The following ASTN2 variants were observed in gnomAD, a reference collection of about 807,000 sequenced individuals.
ASTN2 encodes astrotactin-2.
A neutral mutation model predicts 139.8 loss-of-function variants in ASTN2; 54 were observed. The observed-to-expected ratio is 0.39, with a 90% CI of 0.31 to 0.48. The LOEUF is 0.48. Among genes scored for constraint, ASTN2 ranks in the 20% least tolerant of loss-of-function variants. The probability of loss-of-function intolerance (pLI) is 0.95; values close to 1 mark genes in which losing one functional copy is unlikely to be tolerated. For missense variants in ASTN2, 1,565 were observed against 1,725.1 expected (o/e 0.91, Z 1.64); for synonymous variants, 756 against 719.5 (o/e 1.05, Z -0.81).
rs79968828 is a variant in ASTN2, at chr9:117,351,088, A to G, written c.443-59575T>C. 2.5e-3 allele frequency among the ~76,000 whole-genome samples: 387 copies of G among 152,346 alleles called. 3 individuals are homozygous for G. The highest frequency in any genetic ancestry group is 9.2e-3 in the African/African-American group (382 of 41,582). ...CTGCTACTCTCTTTAACAGAAGCGC[A>G]TGACAGAGCATTTAGGAAAAGATAT... On this transcript the variant is annotated intron_variant, in intron 1 of 22. Transcript: ENST00000313400.
intron 19 of ASTN2, among the ~76,000 whole-genome samples, chr9:116,567,757 T>A (rs1853307869): frequency 1.3e-5 from 2 of 152,094 alleles, no homozygotes. Context: ...GCAGGACAGA[T>A]CATACTACTA....
At chr9:117,375,584 A>G (rs535245372) in intron 1 of ASTN2, among the ~76,000 whole-genome samples, 1 of 152,220 alleles carries the variant, frequency 6.6e-6, no homozygotes, top group Non-Finnish European at 1.5e-5. Context: ...GCACGTGAGG[A>G]AATGGAAGTT....
chr9:116,861,390 T>C (rs1185564347), intron 11 of ASTN2, among the ~76,000 whole-genome samples: 1 of 152,150 alleles, frequency 6.6e-6, no homozygotes, highest in Non-Finnish European at 1.5e-5. Context: ...TTGAAAAAGG[T>C]CAGCCTTACA....
rs1485742927 is a variant in ASTN2, at chr9:117,365,331, AAGAAAGAG to A, written c.442+49158_442+49165del. 1.6e-3 allele frequency among the ~76,000 whole-genome samples: 241 copies of A among 151,886 alleles called. 2 individuals carry two copies. Among genetic ancestry groups the A allele is most frequent in the African/African-American group, 5.4e-3 (223 of 41,340 alleles). On this transcript the variant is annotated intron_variant, in intron 1 of 22. Transcript: ENST00000313400. ...AGAAAGAAAAAGAAAGAAAGAAAGA[AAGAAAGAG>A]AGAAAAGAAAAGAAAAGAGAAAGAA...
chr9:117,107,369 G>T (rs1829133340), intron 4 of ASTN2, among the ~76,000 whole-genome samples: 1 of 152,064 alleles, frequency 6.6e-6, no homozygotes, highest in Non-Finnish European at 1.5e-5. Context: ...ACATAGTTAA[G>T]GTTTTTTGAT....
chr9:116,741,833 G>C (rs1829103013), intron 13 of ASTN2, among the ~76,000 whole-genome samples: 1 of 152,200 alleles, frequency 6.6e-6, no homozygotes, highest in Non-Finnish European at 1.5e-5. Context: ...GCAGCAGTTA[G>C]AAACTGTTCT....
intron 10 of ASTN2, among the ~76,000 whole-genome samples, chr9:116,912,520 T>C (rs1834342321): frequency 1.3e-5 from 2 of 152,244 alleles, no homozygotes; most frequent in South Asian, 2.1e-4. Context: ...GAATTTTAAA[T>C]AATTCATAGC....
chr9:117,292,923 A>C (rs3893339), intron 1 of ASTN2, among the ~76,000 whole-genome samples: 63,538 of 151,714 alleles, frequency 0.42, 15,159 homozygotes, highest in East Asian at 0.57. Flanking sequence ...TGCCCAATAG[A>C]CTCTCCCTCC....
At chr9:116,677,732 CT>C (rs902638522) in intron 16 of ASTN2, among the ~76,000 whole-genome samples, 9 of 152,276 alleles carry the variant, frequency 5.9e-5, no homozygotes, top group Middle Eastern at 3.4e-3. Flanking sequence ...TATTTCCCTC[CT>C]TTTGGGGACC....
chr9:116,658,115 G>GT (rs1292968962), intron 16 of ASTN2, among the ~76,000 whole-genome samples: 1 of 151,086 alleles, frequency 6.6e-6, no homozygotes, highest in African/African-American at 2.5e-5. Context: ...GTTTTGTTTT[G>GT]TTTTTGCAAA....
chr9:116,787,020 T>A (rs925777340), intron 13 of ASTN2, among the ~76,000 whole-genome samples: 1 of 152,230 alleles, frequency 6.6e-6, no homozygotes, highest in Non-Finnish European at 1.5e-5. Context: ...CCGCCATGAC[T>A]GTAAGTTTCT....
rs887005752 is a variant in ASTN2, at chr9:116,478,785, G to T, written c.3497+8574C>A. On this transcript the variant is annotated intron_variant, in intron 20 of 22. Transcript: ENST00000313400. ...CAAGACAGGTGGATCACGAGGTCAG[G>T]AGTTCGAACCAGCCTGGCCAATATG... 2.6e-5 allele frequency among the ~76,000 whole-genome samples: 4 copies of T among 151,904 alleles called. 1 individual carries two copies. Among genetic ancestry groups the T allele is most frequent in the African/African-American group, 9.7e-5 (4 of 41,342 alleles).
chr9:116,712,100 G>A (rs1161079877), intron 16 of ASTN2, among the ~76,000 whole-genome samples: 3 of 152,090 alleles, frequency 2.0e-5, no homozygotes, highest in African/African-American at 7.2e-5. Context: ...ATCTTTCTAG[G>A]TTTATCTTAC....
chr9:117,232,090 C>A (rs1386050455), intron 2 of ASTN2, among the ~76,000 whole-genome samples: 1 of 152,018 alleles, frequency 6.6e-6, no homozygotes, highest in Non-Finnish European at 1.5e-5. Context: ...AAAAGCCACC[C>A]AGGGTAAGTG....
At chr9:116,831,836 A>G (rs899585713) in intron 11 of ASTN2, among the ~76,000 whole-genome samples, 1 of 152,032 alleles carries the variant, frequency 6.6e-6, no homozygotes, top group African/African-American at 2.4e-5. Context: ...ATTATATTAA[A>G]CCTTTATATC....
At chr9:116,532,002 T>C (rs1228004523) in intron 19 of ASTN2, among the ~76,000 whole-genome samples, 2 of 152,242 alleles carry the variant, frequency 1.3e-5, no homozygotes, top group Middle Eastern at 3.2e-3. Context: ...AGTGTTCCTA[T>C]TTCTCCACAT....
intron 1 of ASTN2, among the ~76,000 whole-genome samples, chr9:117,354,772 C>T (rs1053338620): frequency 1.3e-5 from 2 of 152,164 alleles, no homozygotes; most frequent in Non-Finnish European, 1.5e-5. Flanking sequence ...GTCTTCCCAA[C>T]ATCTCTTCCC....
chr9:116,900,766 C>T (rs1209370830), intron 10 of ASTN2, among the ~76,000 whole-genome samples: 1 of 152,234 alleles, frequency 6.6e-6, no homozygotes, highest in East Asian at 1.9e-4. Context: ...TCCTGCCCCC[C>T]TCTTTCTTCT....
intron 13 of ASTN2, among the ~76,000 whole-genome samples, chr9:116,795,328 C>T (rs1045214271): frequency 3.3e-5 from 5 of 152,222 alleles, no homozygotes; most frequent in Admixed American, 6.5e-5. Flanking sequence ...ATTAGCACAC[C>T]ACTGCAACTT....
Sources: allele counts gnomAD v4.1 joint callset (sites outside exome capture counted in the v4.1 genomes callset), GRCh38; gene constraint gnomAD v4.1.1; transcripts MANE v1.5; gene names NCBI Gene and HGNC (gene_info 2026-07-23, HGNC 2026-07-21).